The following EPB41L1 variants were observed in gnomAD, a reference collection of about 807,000 sequenced individuals.
The protein encoded by EPB41L1 is erythrocyte membrane protein band 4.1 like 1, also known as band 4.1-like protein 1.
In EPB41L1, 29 loss-of-function variants were observed where a neutral mutation model predicts 97.8. The ratio of observed to expected loss-of-function variants is 0.30; its 90% CI spans 0.22 to 0.40. The LOEUF is 0.40. EPB41L1 is among the 10% of genes least tolerant of loss of function. EPB41L1 has a pLI of 1.00. For synonymous variants in EPB41L1, 383 were observed against 459.2 expected (o/e 0.83, Z 2.12); for missense variants, 812 against 1,162.3 (o/e 0.70, Z 4.38).
chr20:36,179,975 G>A (rs2146069967), intron 5 of EPB41L1, among the ~76,000 whole-genome samples: 1 of 152,332 alleles, frequency 6.6e-6, no homozygotes, highest in East Asian at 1.9e-4. Context: ...CATATAGGCA[G>A]CCGAGTGTGT....
chr20:36,113,187 A>T (rs1299186188), intron 2 of EPB41L1, among the ~76,000 whole-genome samples: 1 of 152,176 alleles, frequency 6.6e-6, no homozygotes, highest in Non-Finnish European at 1.5e-5. Flanking sequence ...CTTCTTCCCA[A>T]CTTGGAGGTG....
At position 36,177,941 on chromosome 20, in the gene EPB41L1, T is replaced by TC. The variant is rs1442464558; in HGVS notation, c.343-8dup. The TC allele has an allele frequency of 2.5e-6, 4 of 1,611,790 alleles. No individual in the cohort carries two copies. In the African/African-American group the frequency reaches 5.3e-5, roughly 22 times the overall value. On this transcript the variant is annotated splice_polypyrimidine_tract_variant and intron_variant, in intron 3 of 21. Coordinates refer to ENST00000338074, the MANE Select transcript of EPB41L1 (RefSeq NM_012156.2). ...GCTTCAGCCTCATAGCTGCTCTGCT[T>TC]CCCTCCTTAGAAACATGGCCGGGGC...
intron 1 of EPB41L1, among the ~76,000 whole-genome samples, chr20:36,169,472 T>C (rs1600713092): frequency 6.8e-6 from 1 of 147,834 alleles, no homozygotes; most frequent in African/African-American, 2.6e-5. Context: ...TCTCTGTCCT[T>C]CTCCTGCACA....
intron 14 of EPB41L1, chr20:36,205,970 A>G: frequency 7.8e-7 from 1 of 1,289,876 alleles, no homozygotes; most frequent in Non-Finnish European, 1.0e-6. Flanking sequence ...ATCCTTGCCA[A>G]CGGCAGACTC....
chr20:36,206,014 G>A lies in EPB41L1; in HGVS notation c.1669-3474G>A. On this transcript the variant is annotated intron_variant, in intron 14 of 21. Coordinates refer to ENST00000338074, the MANE Select transcript of EPB41L1 (RefSeq NM_012156.2). The surrounding 1 kb of genome is among the most constrained non-coding windows in gnomAD (Gnocchi z 5.5). ...AGACGTTCTGGTGGACAAGTTCAAA[G>A]TGGAAGTGGCCACAGAAGAAATGGT... The A allele has an allele frequency of 2.3e-6, 3 of 1,289,878 alleles. No homozygotes were observed. The highest frequency in any genetic ancestry group is 3.0e-6 in the Non-Finnish European group (3 of 988,888). The allele number at this position is 1,289,878 out of a possible 1,614,324, so 79.9% of individuals were successfully genotyped here.
At chr20:36,128,245 A>C (rs2059051451) in intron 2 of EPB41L1, among the ~76,000 whole-genome samples, 1 of 152,178 alleles carries the variant, frequency 6.6e-6, no homozygotes, top group African/African-American at 2.4e-5. Flanking sequence ...CATGTCTGCC[A>C]TACAGGAGAC....
intron 14 of EPB41L1, among the ~76,000 whole-genome samples, chr20:36,203,039 G>A (rs1009015314): frequency 1.3e-5 from 2 of 152,152 alleles, no homozygotes; most frequent in Admixed American, 1.3e-4. Context: ...GCAAGGCACC[G>A]ACGGTCCCCT....
intron 2 of EPB41L1, among the ~76,000 whole-genome samples, chr20:36,120,866 G>C (rs1198784939): frequency 6.6e-6 from 1 of 152,058 alleles, no homozygotes; most frequent in African/African-American, 2.4e-5. Context: ...TAACCGCCAA[G>C]GTAATGGTTT....
intron 12 of EPB41L1, 98 bp downstream of exon 12, chr20:36,194,458 C>G (rs1236639707): frequency 1.4e-6 from 2 of 1,452,434 alleles, no homozygotes; most frequent in East Asian, 4.9e-5. Flanking sequence ...CCAGCTGTGG[C>G]CAAGCACCCT....
rs1306959289 is a variant in EPB41L1 at position 36,197,801 on chromosome 20, C to G, written c.1486-58C>G. Reference sequence around the variant, plus strand: ...TGACTGCTGCCATCATCCCTGCACCCTGCATCCCCGCTTGGAGCTGTTCCC... The same window carrying G: ...TGACTGCTGCCATCATCCCTGCACCGTGCATCCCCGCTTGGAGCTGTTCCC... On this transcript the variant is annotated intron_variant, in intron 13 of 21. Coordinates refer to ENST00000338074, the MANE Select transcript of EPB41L1 (RefSeq NM_012156.2). The G allele has an allele frequency of 5.6e-6, 9 of 1,613,468 alleles. No homozygotes were observed. In the Admixed American group the frequency reaches 1.3e-4, roughly 24 times the overall value.
chr20:36,172,676 C>T (rs1338974198), intron 1 of EPB41L1, among the ~76,000 whole-genome samples: 1 of 152,146 alleles, frequency 6.6e-6, no homozygotes, highest in East Asian at 1.9e-4. Flanking sequence ...TCTCAGCTTA[C>T]TGCAACCTCC....
chr20:36,226,587 C>T (rs765097814), intron 21 of EPB41L1, among the ~76,000 whole-genome samples: 9 of 152,166 alleles, frequency 5.9e-5, no homozygotes, highest in Non-Finnish European at 1.2e-4. Flanking sequence ...CTTTTCATAA[C>T]GTCTGTCTCC....
chr20:36,228,232 T>C (rs2064294234), intron 21 of EPB41L1, among the ~76,000 whole-genome samples: 1 of 152,184 alleles, frequency 6.6e-6, no homozygotes, highest in Non-Finnish European at 1.5e-5. Flanking sequence ...AAGATAGCCC[T>C]TACCCTCAAG....
intron 3 of EPB41L1, among the ~76,000 whole-genome samples, chr20:36,176,971 G>A (rs150510437): frequency 1.4e-3 from 206 of 152,254 alleles, no homozygotes; most frequent in African/African-American, 4.7e-3. Context: ...CACCTTCCCT[G>A]CTCCTGGGAC....
intron 19 of EPB41L1, 40 bp downstream of exon 19, chr20:36,219,884 G>A (rs1432772017): frequency 2.6e-6 from 4 of 1,561,826 alleles, no homozygotes; most frequent in Non-Finnish European, 3.5e-6. Flanking sequence ...CAGCCGAGCT[G>A]CAGGCGAGAA....
chr20:36,221,896 C>T lies in EPB41L1; in HGVS notation c.2472C>T (p.Ile824=), dbSNP rs369911692. Residue 824 remains isoleucine, a synonymous_variant, in exon 20 of 22, where the codon ATC becomes ATT. Coordinates refer to ENST00000338074, the MANE Select transcript of EPB41L1 (RefSeq NM_012156.2). ...AAGGAGGGTTTTCTGAGACAAGGAT[C>T]GAGAAGCGAATCATCATTACTGGGG... ...TVKGGFSETR[I]EKRIIITGDE... is the part of the protein sequence containing the mutation. 3.8e-5 allele frequency: 62 copies of T among 1,614,112 alleles called. 1 individual carries two copies. The African/African-American group carries it at 3.9e-4, about 10-fold the overall frequency.
intron 7 of EPB41L1, among the ~76,000 whole-genome samples, chr20:36,185,990 G>A (rs911318346): frequency 2.1e-4 from 32 of 152,314 alleles, no homozygotes; most frequent in African/African-American, 7.7e-4. Context: ...TTGTAGGCTG[G>A]TTATTTAACC....
chr20:36,209,879 CG>C lies in EPB41L1; in HGVS notation c.2062del (p.Asp688IlefsTer8). 1 of 1,613,344 alleles carries C rather than the reference CG, an allele frequency of 6.2e-7. No homozygotes were observed. Among genetic ancestry groups the C allele is most frequent in the Non-Finnish European group, 8.5e-7 (1 of 1,179,994 alleles). ...CCGGATCGAGGGGCCTGCTCCACCC[CG>C]GATATGCCCCAGTTTGAGGTACAGT... Reference protein sequence around the residue: ...DSPDRGACSTPDMPQFEPVKT... With the variant: ...DSPDRGACSTXDMPQFEPVKT... On this transcript the variant is annotated frameshift_variant, in exon 15 of 22. Coordinates refer to ENST00000338074, the MANE Select transcript of EPB41L1 (RefSeq NM_012156.2). The surrounding 1 kb of genome is among the most constrained non-coding windows in gnomAD (Gnocchi z 4.2).
At chr20:36,107,791 T>A (rs1039660656) in intron 1 of EPB41L1, among the ~76,000 whole-genome samples, 30 of 151,326 alleles carry the variant, frequency 2.0e-4, no homozygotes, top group Non-Finnish European at 2.4e-4. Context: ...ATCACACCAC[T>A]GCACTCTAGC....
Sources: allele counts gnomAD v4.1 joint callset (sites outside exome capture counted in the v4.1 genomes callset), GRCh38; gene constraint gnomAD v4.1.1; non-coding constraint Gnocchi (gnomAD v3.1); transcripts MANE v1.5; gene names NCBI Gene and HGNC (gene_info 2026-07-23, HGNC 2026-07-21).